KCNG3: variants seen among roughly 807,000 people sequenced by gnomAD.
KCNG3 encodes the protein potassium voltage-gated channel modifier subfamily G member 3, also known as voltage-gated potassium channel regulatory subunit KCNG3.
A neutral mutation model predicts 29.0 loss-of-function variants in KCNG3; 15 were observed. The ratio of observed to expected loss-of-function variants is 0.52; its 90% confidence interval spans 0.35 to 0.80. KCNG3 has a LOEUF of 0.80. KCNG3 is among the 30% of genes least tolerant of loss of function. KCNG3 has a pLI of 0.01. For synonymous variants in KCNG3, 322 were observed against 248.9 expected (o/e 1.29, Z -2.76); for missense variants, 512 against 605.7 (o/e 0.85, Z 1.62).
chr2:42,448,924 G>A (rs1247593739), intron 1 of KCNG3, among the ~76,000 whole-genome samples: 1 of 151,986 alleles, frequency 6.6e-6, no homozygotes, highest in Non-Finnish European at 1.5e-5. Flanking sequence ...CTTGCAGTGA[G>A]CTGAGATCGC....
the KCNG3 span, among the ~76,000 whole-genome samples, chr2:42,403,238 C>A: frequency 5.9e-5 from 9 of 151,440 alleles, no homozygotes; most frequent in Non-Finnish European, 1.3e-4. Context: ...CCGTCCCAGG[C>A]TCAGGCGATC....
chr2:42,434,636 A>G, the KCNG3 span, among the ~76,000 whole-genome samples: 1 of 141,856 alleles, frequency 7.0e-6, no homozygotes, highest in East Asian at 2.1e-4. Context: ...GCTTCACTCC[A>G]GCCTAAGCAA....
chr2:42,452,220 A>ACT (rs1672772168), intron 1 of KCNG3, among the ~76,000 whole-genome samples: 1 of 104,694 alleles, frequency 9.6e-6, no homozygotes, highest in African/African-American at 3.4e-5. Context: ...TGGGGTGGTA[A>ACT]ATATATATAT....
At chr2:42,480,717 G>A (rs1049286333) in intron 1 of KCNG3, among the ~76,000 whole-genome samples, 3 of 143,122 alleles carry the variant, frequency 2.1e-5, no homozygotes, top group African/African-American at 7.9e-5. Context: ...CTTTCAGCTC[G>A]AGTTCAAGAC....
chr2:42,402,991 G>C, the KCNG3 span, among the ~76,000 whole-genome samples: 2 of 152,216 alleles, frequency 1.3e-5, no homozygotes, highest in Non-Finnish European at 2.9e-5. Context: ...GCCATTTTGA[G>C]ACTACTGAAT....
chr2:42,492,584 C>A (rs1673912001), intron 1 of KCNG3, among the ~76,000 whole-genome samples: 1 of 152,260 alleles, frequency 6.6e-6, no homozygotes, highest in South Asian at 2.1e-4. Flanking sequence ...TCTCTACACG[C>A]CCCTCCCCAT....
intron 1 of KCNG3, among the ~76,000 whole-genome samples, chr2:42,473,040 T>C (rs1352105929): frequency 2.0e-5 from 3 of 151,262 alleles, no homozygotes; most frequent in Non-Finnish European, 2.9e-5. Context: ...TAGCTGGGAC[T>C]ACAGGCACCC....
At chr2:42,420,573 T>C in the KCNG3 span, among the ~76,000 whole-genome samples, 1 of 152,112 alleles carries the variant, frequency 6.6e-6, no homozygotes, top group Non-Finnish European at 1.5e-5. Context: ...GTGGATCACC[T>C]GAAGTCAGGA....
chr2:42,477,427 ATTTTT>A (rs768215543), intron 1 of KCNG3, among the ~76,000 whole-genome samples: 1 of 108,966 alleles, frequency 9.2e-6, no homozygotes, highest in African/African-American at 4.0e-5. Flanking sequence ...ACACACATAT[ATTTTT>A]TTTTTTTTTT....
chr2:42,420,506 G>C, the KCNG3 span, among the ~76,000 whole-genome samples: 2 of 152,076 alleles, frequency 1.3e-5, no homozygotes, highest in East Asian at 1.9e-4. Context: ...ATTCCAACAG[G>C]GGGCCGGGTG....
chr2:42,433,976 G>A, the KCNG3 span, among the ~76,000 whole-genome samples: 1 of 152,034 alleles, frequency 6.6e-6, no homozygotes, highest in Non-Finnish European at 1.5e-5. Context: ...ATAAAACATT[G>A]TTGAAAGAAA....
downstream of KCNG3, among the ~76,000 whole-genome samples, chr2:42,441,118 T>C (rs763391085): frequency 1.3e-5 from 2 of 152,188 alleles, no homozygotes; most frequent in African/African-American, 2.4e-5. Context: ...CAGTGTCTCA[T>C]GCCCATAATC....
chr2:42,439,740 T>C (rs777915529), downstream of KCNG3, among the ~76,000 whole-genome samples: 1 of 151,508 alleles, frequency 6.6e-6, no homozygotes, highest in Non-Finnish European at 1.5e-5. Flanking sequence ...TCTGCCTCCC[T>C]GGTTCAAGTG....
the KCNG3 span, among the ~76,000 whole-genome samples, chr2:42,399,274 T>A: frequency 6.6e-6 from 1 of 152,080 alleles, no homozygotes; most frequent in African/African-American, 2.4e-5. Flanking sequence ...CCCAGGCTGG[T>A]CTTGAACTCC....
At chr2:42,474,972 G>C (rs1001914807) in intron 1 of KCNG3, among the ~76,000 whole-genome samples, 2 of 152,094 alleles carry the variant, frequency 1.3e-5, no homozygotes, top group African/African-American at 4.8e-5. Flanking sequence ...CTACACAAGG[G>C]CAAGGAAGCT....
At chr2:42,419,942 G>C in the KCNG3 span, among the ~76,000 whole-genome samples, 1 of 152,182 alleles carries the variant, frequency 6.6e-6, no homozygotes, top group Non-Finnish European at 1.5e-5. Context: ...TGAGGACCCA[G>C]CTGGGCACGG....
the KCNG3 span, among the ~76,000 whole-genome samples, chr2:42,416,715 G>A: frequency 6.6e-6 from 1 of 151,692 alleles, no homozygotes; most frequent in African/African-American, 2.4e-5. Flanking sequence ...CTACTCAGGA[G>A]GCCAAAGTGG....
intron 1 of KCNG3, among the ~76,000 whole-genome samples, chr2:42,472,503 ATT>A (rs57415782): frequency 6.2e-5 from 9 of 144,130 alleles, no homozygotes; most frequent in Non-Finnish European, 6.1e-5. Context: ...CTTCGACTGC[ATT>A]TTTTTTTTTT....
chr2:42,456,849 ACAT>A (rs1672887430), intron 1 of KCNG3, among the ~76,000 whole-genome samples: 1 of 152,226 alleles, frequency 6.6e-6, no homozygotes, highest in Admixed American at 6.5e-5. Flanking sequence ...AGCAAACTGC[ACAT>A]CAACAGCCAC....
Sources: allele counts gnomAD v4.1 joint callset (sites outside exome capture counted in the v4.1 genomes callset), GRCh38; gene constraint gnomAD v4.1.1; transcripts MANE v1.5; gene names NCBI Gene and HGNC (gene_info 2026-07-23, HGNC 2026-07-21).